The following ARID4B variants were observed in gnomAD, a reference collection of about 807,000 sequenced individuals.
The protein encoded by ARID4B is AT-rich interactive domain-containing protein 4B.
In ARID4B, 26 loss-of-function variants were observed where a neutral mutation model predicts 147.5. The ratio of observed to expected loss-of-function variants is 0.18; its 90% CI spans 0.13 to 0.24. ARID4B has a LOEUF of 0.24. Ranked by LOEUF, ARID4B falls within the 10% of genes least tolerant of loss-of-function variation. The pLI is 1.00. For synonymous variants in ARID4B, 512 were observed against 507.9 expected (o/e 1.01, Z -0.11); for missense variants, 1,179 against 1,511.5 (o/e 0.78, Z 3.65).
At chr1:235,224,491 A>T (rs886471075) in intron 12 of ARID4B, among the ~76,000 whole-genome samples, 16 of 152,234 alleles carry the variant, frequency 1.1e-4, no homozygotes, top group African/African-American at 3.9e-4. Context: ...TTATGTGTCC[A>T]TAGCCACAAT....
At chr1:235,263,403 C>T (rs918970453) in intron 2 of ARID4B, among the ~76,000 whole-genome samples, 2 of 152,092 alleles carry the variant, frequency 1.3e-5, no homozygotes, top group African/African-American at 2.4e-5. Flanking sequence ...GTATTCTTTT[C>T]ATTAACATTC....
chr1:235,255,263 A>ATCGATCTATCTATC (rs746915541), intron 5 of ARID4B, among the ~76,000 whole-genome samples: 6 of 90,830 alleles, frequency 6.6e-5, no homozygotes, highest in Non-Finnish European at 1.4e-4. Flanking sequence ...AGATAGATAG[A>ATCGATCTATCTATC]TATATATCTC....
intron 5 of ARID4B, among the ~76,000 whole-genome samples, chr1:235,253,364 T>G (rs1160242163): frequency 6.6e-6 from 1 of 152,170 alleles, no homozygotes; most frequent in East Asian, 1.9e-4. Context: ...CTCTACCCAC[T>G]AGATGTCAGT....
chr1:235,177,782 T>C lies in ARID4B; in HGVS notation c.3448+18A>G, dbSNP rs747779160. 6 of 1,514,650 alleles carry C rather than the reference T, an allele frequency of 4.0e-6. No individual in the cohort carries two copies. The highest frequency in any genetic ancestry group is 5.4e-6 in the Non-Finnish European group (6 of 1,101,890). The allele number at this position is 1,514,650 out of a possible 1,614,324, so 93.8% of individuals were successfully genotyped here. ...GCTATTATTTTTATATTTTAAAAAT[T>C]AGAGATTTCACACTTACTGCCTTTT... On this transcript the variant is annotated intron_variant, in intron 21 of 23. Coordinates refer to ENST00000264183, the MANE Select transcript of ARID4B (RefSeq NM_016374.6).
At chr1:235,254,349 T>TAATA (rs569177287) in intron 5 of ARID4B, among the ~76,000 whole-genome samples, 61 of 152,226 alleles carry the variant, frequency 4.0e-4, no homozygotes, top group African/African-American at 1.4e-3. Flanking sequence ...TTGTTACCTT[T>TAATA]AATAAATAAT....
Position 235,191,650 on chromosome 1 carries a change from A to T in ARID4B, c.2125+2363T>A, listed in dbSNP as rs145382227. On this transcript the variant is annotated intron_variant, in intron 19 of 23. Coordinates refer to ENST00000264183, the MANE Select transcript of ARID4B (RefSeq NM_016374.6). ...TGAATTCTCTAGAGGGGCTTTTGTA[A>T]ACTCTCAGAGAAGCTAAATCTGAAA... Among the ~76,000 whole-genome samples the T allele has an allele frequency of 5.3e-5, 8 of 152,294 alleles. No individual in the cohort carries two copies. The East Asian group carries it at 1.5e-3, about 29-fold the overall frequency.
At chr1:235,219,680 T>C in intron 16 of ARID4B, 113 bp downstream of exon 16, 1 of 832,924 alleles carries the variant, frequency 1.2e-6, no homozygotes, top group South Asian at 1.9e-5. Context: ...CCAATCACTC[T>C]ATTATTTAAT....
At chr1:235,198,194 T>C (rs1164195807) in intron 17 of ARID4B, among the ~76,000 whole-genome samples, 1 of 152,234 alleles carries the variant, frequency 6.6e-6, no homozygotes, top group Non-Finnish European at 1.5e-5. Flanking sequence ...TGTTCTACCT[T>C]TCTTAACCAA....
chr1:235,300,177 AG>A (rs1673017655), intron 2 of ARID4B, among the ~76,000 whole-genome samples: 1 of 152,150 alleles, frequency 6.6e-6, no homozygotes, highest in Non-Finnish European at 1.5e-5. Flanking sequence ...GCACTTTGGG[AG>A]GCTGAGGCGG....
chr1:235,249,235 A>T (rs1669487054), intron 6 of ARID4B, among the ~76,000 whole-genome samples: 1 of 152,154 alleles, frequency 6.6e-6, no homozygotes, highest in Non-Finnish European at 1.5e-5. Context: ...CAAGAGGCTG[A>T]GGCACGAGAA....
chr1:235,213,876 C>T lies in ARID4B; in HGVS notation c.1734G>A (p.Arg578=). Residue 578 remains arginine, a synonymous_variant, in exon 17 of 24, where the codon CGG becomes CGA. Transcript: ENST00000264183. Reference sequence around the variant, plus strand: ...TTTTTTGATTTTTCCCTCGTCCATACCGCACTTGGACTTTCATGCCTGGTG... The same window carrying T: ...TTTTTTGATTTTTCCCTCGTCCATATCGCACTTGGACTTTCATGCCTGGTG... ...CYPPGMKVQV[R]YGRGKNQKMY... 1.2e-6 allele frequency: 2 copies of T among 1,614,084 alleles called. No homozygotes were observed. The highest frequency in any genetic ancestry group is 1.7e-6 in the Non-Finnish European group (2 of 1,180,000).
At chr1:235,234,712 T>TAG (rs113730737) in intron 8 of ARID4B, among the ~76,000 whole-genome samples, 6,095 of 152,216 alleles carry the variant, frequency 0.04, 453 homozygotes, top group African/African-American at 0.14. Context: ...ATTTTTGGCA[T>TAG]AGGCAAGGCA....
chr1:235,288,749 G>C (rs1033015638), intron 2 of ARID4B, among the ~76,000 whole-genome samples: 1 of 152,162 alleles, frequency 6.6e-6, no homozygotes, highest in Non-Finnish European at 1.5e-5. Flanking sequence ...GGAGCACAAA[G>C]AACATGAACA....
chr1:235,326,905 C>T lies in ARID4B; in HGVS notation c.6+9G>A, dbSNP rs1235099119. On this transcript the variant is annotated intron_variant, in intron 2 of 23. Transcript: ENST00000264183. ...ACCCCAGAGATTCGTTTTCCGCAGG[C>T]AATCTTACCTTCATGATGACTCTGG... 7 of 1,613,922 alleles carry T rather than the reference C, an allele frequency of 4.3e-6. No individual in the cohort carries two copies. The highest frequency in any genetic ancestry group is 2.5e-6 in the Non-Finnish European group (3 of 1,179,920).
intron 2 of ARID4B, among the ~76,000 whole-genome samples, chr1:235,292,232 T>C (rs1572169371): frequency 2.0e-5 from 3 of 152,218 alleles, no homozygotes; most frequent in African/African-American, 4.8e-5. Flanking sequence ...TACAGAAACT[T>C]TGCATCCTCA....
intron 8 of ARID4B, among the ~76,000 whole-genome samples, chr1:235,239,043 C>T (rs1241515689): frequency 2.0e-5 from 3 of 149,354 alleles, no homozygotes; most frequent in African/African-American, 5.0e-5. Flanking sequence ...AGTGCAGTGG[C>T]GCGATCTTGG....
chr1:235,207,684 T>G (rs1382876327), intron 17 of ARID4B, among the ~76,000 whole-genome samples: 1 of 152,126 alleles, frequency 6.6e-6, no homozygotes, highest in Non-Finnish European at 1.5e-5. Context: ...ATTTGGCACA[T>G]AGTGGGTATT....
At chr1:235,173,770 AAATATATATATATATATATATATATAT>A (rs1424452630) in intron 22 of ARID4B, among the ~76,000 whole-genome samples, 4 of 37,494 alleles carry the variant, frequency 1.1e-4, no homozygotes, top group African/African-American at 3.3e-4. Flanking sequence ...AAAAAAAAAA[AAATATATATATATATATATATATATAT>A]ATATATATAT....
chr1:235,234,352 A>T, intron 9 of ARID4B, 61 bp downstream of exon 9: 1 of 1,049,330 alleles, frequency 9.5e-7, no homozygotes, highest in Non-Finnish European at 1.4e-6. Flanking sequence ...TTAACATCCT[A>T]ATTCAAAATA....
Sources: gnomAD v4.1 joint callset for allele counts (sites outside exome capture counted in the v4.1 genomes callset) on GRCh38, gnomAD v4.1.1 for gene constraint, MANE v1.5 for transcripts, NCBI Gene and HGNC (gene_info 2026-07-23, HGNC 2026-07-21) for gene names.